Variants in CSF1 observed in about 807,000 individuals in gnomAD.
CSF1 encodes the protein macrophage colony-stimulating factor 1.
CSF1 carries 9 observed loss-of-function variants against 48.9 expected under a neutral mutation model. The observed-to-expected ratio is 0.18, with a 90% CI of 0.11 to 0.32. CSF1 has a LOEUF of 0.32. CSF1 is among the 10% of genes least tolerant of loss of function. The pLI, the probability that CSF1 is intolerant of heterozygous loss-of-function variation, is 1.00. For missense variants in CSF1, 672 were observed against 697.9 expected, an observed-to-expected ratio of 0.96 and a Z score of 0.42; for synonymous variants, 305 against 284.1, an observed-to-expected ratio of 1.07 and a Z score of -0.74.
At chr1:109,918,448 G>C (rs1250881277) in intron 4 of CSF1, among the ~76,000 whole-genome samples, 2 of 152,204 alleles carry the variant, frequency 1.3e-5, no homozygotes, top group East Asian at 3.8e-4. Context: ...CAGGGGGCAG[G>C]AATGGAGGCT....
At position 109,914,312 on chromosome 1, in the gene CSF1, C is replaced by T; in HGVS notation, c.93C>T (p.Ile31=). Residue 31 remains isoleucine (I), a synonymous_variant, in exon 2 of 9, where the codon ATC becomes ATT. Coordinates refer to ENST00000329608, the MANE Select transcript of CSF1 (RefSeq NM_000757.6). The part of the protein sequence containing the change: ...LLVCLLASRS[I]TEEVSEYCSH... ...TCTGTCTCCTGGCGAGCAGGAGTAT[C>T]ACCGAGGAGGTGTCGGAGTACTGTA... The T allele has an allele frequency of 6.2e-7, 1 of 1,608,170 alleles. No homozygotes were observed. Among genetic ancestry groups the T allele is most frequent in the South Asian group, 1.1e-5 (1 of 89,226 alleles).
rs765388220 is a variant in CSF1, at chr1:109,924,797, G to A, written c.1591G>A (p.Ala531Thr). 2.7e-5 allele frequency: 44 copies of A among 1,601,616 alleles called. No homozygotes were observed. Among genetic ancestry groups the A allele is most frequent in the Admixed American group, 5.1e-5 (3 of 58,356 alleles). The change falls in exon 7 of 9, where the codon GCG (alanine) becomes ACG (threonine). Residue 531 changes from alanine (A) to threonine (T), a missense_variant. Physicochemically the swap from Ala to Thr is moderately conservative, Grantham distance 58 (BLOSUM62 0). This residue lies in a region of CSF1 where 591 missense variants were observed against 593.6 expected (regional missense o/e 1.00). Coordinates refer to ENST00000329608, the MANE Select transcript of CSF1 (RefSeq NM_000757.6). ...RRRSHQEPQR[A>T]DSPLEQPEGS... is the part of the protein sequence containing the mutation. The stretch of plus-strand genomic sequence containing the variant: ...TCAGAGCCATCAAGAGCCTCAGAGA[G>A]CGGATTCTCCCTTGGAGCAACCAGA...
rs1647638991 is a variant in CSF1, at chr1:109,923,116, C to T, written c.545-50C>T. 4.7e-6 allele frequency: 7 copies of T among 1,484,374 alleles called. No homozygotes were observed. In the East Asian group the frequency reaches 1.6e-4, roughly 34 times the overall value. The allele number at this position is 1,484,374 out of a possible 1,614,324, so 92.0% of individuals were successfully genotyped here. On this transcript the variant is annotated intron_variant, in intron 5 of 8. Coordinates refer to ENST00000329608, the MANE Select transcript of CSF1 (RefSeq NM_000757.6). ...GGAAAGCTGTGCTGGAGGCTAGTGA[C>T]TCTATCTCCTCCCCATCTTTCTCTC...
rs141592972 is a variant in CSF1 at position 109,924,029 on chromosome 1, C to T, written c.1408C>T (p.Arg470Cys). 27 of 1,614,080 alleles carry T rather than the reference C, an allele frequency of 1.7e-5. No homozygotes were observed. The highest frequency in any genetic ancestry group is 4.0e-5 in the African/African-American group (3 of 74,936). Reference protein sequence around the residue: ...ASEGAARPLPRFNSVPLTDTG... With the variant: ...ASEGAARPLPCFNSVPLTDTG... ...TGAAGGGGCAGCCAGGCCCCTGCCC[C>T]GTTTTAACTCCGTTCCTTTGACTGA... Residue 470 changes from arginine to cysteine, a missense_variant, in exon 6 of 9, where the codon CGT (arginine) becomes TGT (cysteine). By Grantham distance (180) the Arg-to-Cys change is radical (BLOSUM62 -3). Around this residue, in one of 3 missense-constraint regions of CSF1, gnomAD observed 591 missense variants for 593.6 expected, o/e 1.00. Coordinates refer to ENST00000329608, the MANE Select transcript of CSF1 (RefSeq NM_000757.6).
At chr1:109,927,539 C>T (rs1470958337) in intron 8 of CSF1, among the ~76,000 whole-genome samples, 1 of 152,158 alleles carries the variant, frequency 6.6e-6, no homozygotes, top group Non-Finnish European at 1.5e-5. Flanking sequence ...CCCTCTGTCC[C>T]ACCCCTCTAC....
intron 3 of CSF1, 35 bp downstream of exon 3, chr1:109,915,731 G>T (rs1654871779): frequency 6.5e-7 from 1 of 1,546,528 alleles, no homozygotes; most frequent in African/African-American, 1.4e-5. Flanking sequence ...CCATGCACCA[G>T]CCTGCATGCA....
At chr1:109,922,032 TA>T (rs747810307) in intron 5 of CSF1, 38 bp downstream of exon 5, 1 of 1,548,684 alleles carries the variant, frequency 6.5e-7, no homozygotes, top group Non-Finnish European at 8.8e-7. Flanking sequence ...GTGGGGGTGG[TA>T]GCATATGGAA....
At chr1:109,917,542 A>C (rs892844964) in intron 4 of CSF1, 79 bp downstream of exon 4, 1 of 1,412,370 alleles carries the variant, frequency 7.1e-7, no homozygotes. Flanking sequence ...ACAGGCACAG[A>C]GTACATTCGC....
intron 1 of CSF1, 130 bp downstream of exon 1, chr1:109,911,192 C>T: frequency 1.9e-6 from 1 of 513,292 alleles, no homozygotes. Context: ...GTTCCCGCCG[C>T]GGACGAACCG....
rs1160330770 is a variant in CSF1 at position 109,923,308 on chromosome 1, T to A, written c.687T>A (p.Thr229=). 8 of 1,612,844 alleles carry A rather than the reference T, an allele frequency of 5.0e-6. No homozygotes were observed. Among genetic ancestry groups the A allele is most frequent in the Middle Eastern group, 1.7e-4 (1 of 6,048 alleles). Residue 229 remains threonine, a synonymous_variant, in exon 6 of 9, where the codon ACT becomes ACA. Transcript: ENST00000329608. ...TGACCTGGGAGGACTCTGAGGGAAC[T>A]GAGGGCAGCTCCCTCTTGCCTGGTG... ...AGLTWEDSEG[T]EGSSLLPGEQ... is the part of the protein sequence containing the mutation.
chr1:109,919,621 T>C (rs1647424355), intron 4 of CSF1, among the ~76,000 whole-genome samples: 1 of 152,148 alleles, frequency 6.6e-6, no homozygotes, highest in Non-Finnish European at 1.5e-5. Flanking sequence ...TGAAAATGCA[T>C]ATTCCTAGGA....
intron 4 of CSF1, 21 bp downstream of exon 4, chr1:109,917,484 G>C: frequency 5.6e-6 from 9 of 1,612,558 alleles, no homozygotes; most frequent in Non-Finnish European, 7.6e-6. Context: ...CTGAGGCCTG[G>C]AGCACTGAGT....
chr1:109,914,413 C>T (rs773772397), intron 2 of CSF1, 32 bp downstream of exon 2: 1 of 1,543,972 alleles, frequency 6.5e-7, no homozygotes, highest in Non-Finnish European at 8.7e-7. Context: ...ATTCTACCTT[C>T]TCCCCACTGG....
Position 109,923,154 on chromosome 1 carries a change from T to C in CSF1, c.545-12T>C. 2 of 1,509,448 alleles carry C rather than the reference T, an allele frequency of 1.3e-6. No individual in the cohort carries two copies. Among genetic ancestry groups the C allele is most frequent in the Non-Finnish European group, 1.8e-6 (2 of 1,128,332 alleles). 93.5% of individuals were successfully genotyped at this position (1,509,448 alleles called of 1,614,324 possible). A position where few individuals can be genotyped will look rare whatever the true frequency, so the allele number is the denominator to read the frequency against. On this transcript the variant is annotated splice_polypyrimidine_tract_variant and intron_variant, in intron 5 of 8. Transcript: ENST00000329608. ...CCATCTTTCTCTCTCCTTCTCTCTGTGGTTCTTTCAGATGTGGTGACCAAG... is the reference window on the plus strand; with the variant it reads ...CCATCTTTCTCTCTCCTTCTCTCTGCGGTTCTTTCAGATGTGGTGACCAAG...
chr1:109,911,614 C>T (rs963738107), intron 1 of CSF1, among the ~76,000 whole-genome samples: 1 of 151,768 alleles, frequency 6.6e-6, no homozygotes, highest in Admixed American at 6.5e-5. Flanking sequence ...CAGGCAGGAG[C>T]TACGGAGGAC....
In CSF1 at chr1:109,923,354, G is replaced by C. The variant is rs369018338; in HGVS notation, c.733G>C (p.Asp245His). The C allele has an allele frequency of 4.3e-6, 7 of 1,612,500 alleles. No homozygotes were observed. Among genetic ancestry groups the C allele is most frequent in the African/African-American group, 2.7e-5 (2 of 74,880 alleles). ...TGGTGAGCAGCCCCTGCACACAGTGGATCCAGGCAGTGCCAAGCAGCGGCC... is the reference window on the plus strand; with the variant it reads ...TGGTGAGCAGCCCCTGCACACAGTGCATCCAGGCAGTGCCAAGCAGCGGCC... ...LPGEQPLHTV[D>H]PGSAKQRPPR... The change falls in exon 6 of 9, where the codon GAT becomes CAT. Residue 245 changes from aspartate to histidine, a missense_variant. Transcript: ENST00000329608.
At chr1:109,911,546 G>A (rs1020921176) in intron 1 of CSF1, among the ~76,000 whole-genome samples, 3 of 152,114 alleles carry the variant, frequency 2.0e-5, no homozygotes, top group Non-Finnish European at 4.4e-5. Flanking sequence ...CTTATAGAAC[G>A]CCAGGGACTT....
chr1:109,927,174 C>T (rs1557739562), intron 8 of CSF1, among the ~76,000 whole-genome samples: 1 of 152,232 alleles, frequency 6.6e-6, no homozygotes, highest in Admixed American at 6.5e-5. Flanking sequence ...GGCTGACTAG[C>T]TGGGGTGACC....
intron 1 of CSF1, among the ~76,000 whole-genome samples, chr1:109,911,783 T>G (rs72974762): frequency 0.05 from 7,676 of 152,250 alleles, 225 homozygotes; most frequent in African/African-American, 0.073. Flanking sequence ...TTTATGGTGG[T>G]TTGCAGTGCT....
Sources: gnomAD v4.1 joint callset for allele counts (sites outside exome capture counted in the v4.1 genomes callset) on GRCh38, gnomAD v4.1.1 for gene constraint, gnomAD v4.1.1 regional missense constraint, MANE v1.5 for transcripts, NCBI Gene and HGNC (gene_info 2026-07-23, HGNC 2026-07-21) for gene names.